The following MACROD1 variants were observed in gnomAD, a reference collection of about 807,000 sequenced individuals.
The protein encoded by MACROD1 is ADP-ribose glycohydrolase MACROD1.
In MACROD1, 31 loss-of-function variants were observed where a neutral mutation model predicts 41.4. That is an observed-to-expected ratio of 0.75 (90% CI 0.56 to 1.01). The LOEUF (loss-of-function observed/expected upper bound fraction) is 1.01, where lower values mean the gene tolerates loss of function less well. MACROD1 is among the 50% of genes least tolerant of loss of function. MACROD1 has a pLI of 0.00. For synonymous variants in MACROD1, 252 were observed against 203.4 expected (o/e 1.24, Z -2.03); for missense variants, 473 against 460.0 (o/e 1.03, Z -0.26).
intron 3 of MACROD1, among the ~76,000 whole-genome samples, chr11:64,033,178 G>A (rs1943316057): frequency 6.6e-6 from 1 of 152,134 alleles, no homozygotes; most frequent in African/African-American, 2.4e-5. Context: ...TAACTGTCTA[G>A]GTGCCCAGCC....
At chr11:64,108,335 G>C (rs1227995765) in intron 3 of MACROD1, among the ~76,000 whole-genome samples, 2 of 150,880 alleles carry the variant, frequency 1.3e-5, no homozygotes, top group Admixed American at 6.6e-5. Flanking sequence ...AAAAAGACTT[G>C]AGACCCAGGG....
At chr11:64,066,350 C>T (rs1014829640) in intron 3 of MACROD1, among the ~76,000 whole-genome samples, 2 of 148,570 alleles carry the variant, frequency 1.3e-5, no homozygotes, top group Non-Finnish European at 3.0e-5. Flanking sequence ...GGGTGGCTCA[C>T]ACCTGTAGTC....
intron 3 of MACROD1, among the ~76,000 whole-genome samples, chr11:64,115,539 T>C (rs1361695555): frequency 6.6e-6 from 1 of 152,210 alleles, no homozygotes; most frequent in Non-Finnish European, 1.5e-5. Flanking sequence ...GACACCTCAT[T>C]CTTCTGTCTG....
intron 4 of MACROD1, among the ~76,000 whole-genome samples, chr11:64,012,242 G>C (rs1373200459): frequency 6.6e-6 from 1 of 152,208 alleles, no homozygotes; most frequent in Non-Finnish European, 1.5e-5. Context: ...GAGTGGCCAG[G>C]GCAGGGCCCC....
chr11:64,100,305 C>T (rs1444692772), intron 3 of MACROD1, among the ~76,000 whole-genome samples: 2 of 152,204 alleles, frequency 1.3e-5, no homozygotes, highest in African/African-American at 4.8e-5. Context: ...TCCCTCCTTT[C>T]AAATTTCTTT....
intron 3 of MACROD1, among the ~76,000 whole-genome samples, chr11:64,031,641 C>A (rs961184771): frequency 7.9e-5 from 12 of 152,234 alleles, no homozygotes; most frequent in African/African-American, 2.4e-4. Flanking sequence ...ACCATGCCAG[C>A]TAATTTTTGT....
chr11:64,045,615 C>G (rs913978719), intron 3 of MACROD1, among the ~76,000 whole-genome samples: 11 of 152,164 alleles, frequency 7.2e-5, no homozygotes, highest in African/African-American at 2.7e-4. Context: ...GGGGTAGCCA[C>G]CTTGCTGCGT....
intron 3 of MACROD1, among the ~76,000 whole-genome samples, chr11:64,059,006 C>T (rs1943845987): frequency 6.6e-6 from 1 of 152,180 alleles, no homozygotes; most frequent in African/African-American, 2.4e-5. Context: ...TCACTGTCTA[C>T]TGGATGGGCT....
chr11:64,029,211 C>T (rs1209036631), intron 3 of MACROD1, among the ~76,000 whole-genome samples: 1 of 152,296 alleles, frequency 6.6e-6, no homozygotes, highest in Non-Finnish European at 1.5e-5. Flanking sequence ...GGGATGTGGG[C>T]GCTGGGCCTC....
At chr11:64,011,052 G>T (rs1306831129) in intron 4 of MACROD1, among the ~76,000 whole-genome samples, 1 of 150,022 alleles carries the variant, frequency 6.7e-6, no homozygotes, top group Non-Finnish European at 1.5e-5. Context: ...TGGCGTGTTG[G>T]CTGGCATGTT....
intron 3 of MACROD1, among the ~76,000 whole-genome samples, chr11:64,148,001 G>A (rs1194726280): frequency 6.6e-6 from 1 of 151,882 alleles, no homozygotes; most frequent in African/African-American, 2.4e-5. Flanking sequence ...GGCCTCCCAC[G>A]GTGCTGGGAT....
intron 3 of MACROD1, among the ~76,000 whole-genome samples, chr11:64,048,577 C>T (rs1410054935): frequency 6.6e-6 from 1 of 152,182 alleles, no homozygotes; most frequent in Admixed American, 6.5e-5. Context: ...TGGTTAATAA[C>T]AGTCATGGCA....
At chr11:64,147,395 CTTT>C (rs1278976301) in intron 3 of MACROD1, among the ~76,000 whole-genome samples, 1 of 129,478 alleles carries the variant, frequency 7.7e-6, no homozygotes, top group Admixed American at 7.8e-5. Context: ...TTCTTTCTTT[CTTT>C]TTTTTTTTTT....
rs1330644935 is a variant in MACROD1, at chr11:64,067,897, C to T, written c.518-52616G>A. Among the ~76,000 whole-genome samples the T allele has an allele frequency of 2.0e-5, 3 of 152,132 alleles. No individual in the cohort carries two copies. Among genetic ancestry groups the T allele is most frequent in the Non-Finnish European group, 4.4e-5 (3 of 68,026 alleles). On this transcript the variant is annotated intron_variant, in intron 3 of 10. Transcript: ENST00000255681. The surrounding 1 kb of genome is among the most constrained non-coding windows in gnomAD (Gnocchi z 4.6). ...GCTGCTGTCCATTTAGCCAGCGGTT[C>T]GCTCGGCTTTTAGGAGGGGGCTGGC...
At chr11:64,107,583 T>C (rs956154915) in intron 3 of MACROD1, among the ~76,000 whole-genome samples, 2 of 152,220 alleles carry the variant, frequency 1.3e-5, no homozygotes, top group African/African-American at 2.4e-5. Flanking sequence ...GCATAATGCA[T>C]GCAGCATGAA....
intron 3 of MACROD1, chr11:64,117,802 C>A: frequency 6.2e-7 from 1 of 1,614,178 alleles, no homozygotes; most frequent in African/African-American, 1.3e-5. Context: ...ACCATGGAGA[C>A]CAGCAATGCC....
At position 64,122,017 on chromosome 11, in the gene MACROD1, A is replaced by G. The variant is rs1945106915; in HGVS notation, c.517+29222T>C. On this transcript the variant is annotated intron_variant, in intron 3 of 10. Coordinates refer to ENST00000255681, the MANE Select transcript of MACROD1 (RefSeq NM_014067.4). This position sits in a 1 kb window ranked among gnomAD's most constrained non-coding sequence, Gnocchi z 4.0. ...AGAAAAGGCAAGGAAGGAGAGAGAG[A>G]AGGCACCAGCAGGCCGGGAATCATT... is the stretch of plus-strand genomic sequence containing the variant. 6.6e-6 allele frequency among the ~76,000 whole-genome samples: 1 copy of G among 152,042 alleles called. No homozygotes were observed. The highest frequency in any genetic ancestry group is 2.1e-4 in the South Asian group (1 of 4,826).
chr11:64,018,927 A>T (rs1943117385), intron 3 of MACROD1, among the ~76,000 whole-genome samples: 1 of 152,138 alleles, frequency 6.6e-6, no homozygotes, highest in African/African-American at 2.4e-5. Flanking sequence ...GGGGATGGGC[A>T]CTGGACTGCG....
rs1037468755 is a variant in MACROD1, at chr11:64,164,717, C to A, written c.298+980G>T. 9.2e-5 allele frequency among the ~76,000 whole-genome samples: 14 copies of A among 152,130 alleles called. No homozygotes were observed. The East Asian group carries it at 1.7e-3, about 19-fold the overall frequency. On this transcript the variant is annotated intron_variant, in intron 1 of 10. Coordinates refer to ENST00000255681, the MANE Select transcript of MACROD1 (RefSeq NM_014067.4). ...CACCCCTAACACCGCAGGACCCCCC[C>A]ATCCTGCCTGCCCAGCCCAGAGGCC...
Sources: gnomAD v4.1 joint callset for allele counts (sites outside exome capture counted in the v4.1 genomes callset) on GRCh38, gnomAD v4.1.1 for gene constraint, Gnocchi (gnomAD v3.1) non-coding constraint, MANE v1.5 for transcripts, NCBI Gene and HGNC (gene_info 2026-07-23, HGNC 2026-07-21) for gene names.